The following TCHP variants were observed in gnomAD, a reference collection of about 807,000 sequenced individuals.
TCHP encodes trichoplein keratin filament-binding protein.
A neutral mutation model predicts 88.7 loss-of-function variants in TCHP; 81 were observed. The observed-to-expected ratio is 0.91, with a 90% CI of 0.76 to 1.10. The LOEUF is 1.10. Among genes scored for constraint, TCHP ranks in the 50% least tolerant of loss-of-function variants. TCHP has a pLI of 0.00. For missense variants in TCHP, 641 were observed against 632.1 expected, an observed-to-expected ratio of 1.01 and a Z score of -0.15; for synonymous variants, 232 against 232.5, an observed-to-expected ratio of 1.00 and a Z score of 0.02.
intron 9 of TCHP, among the ~76,000 whole-genome samples, chr12:109,912,019 C>T (rs1015610294): frequency 7.2e-5 from 11 of 152,140 alleles, no homozygotes; most frequent in African/African-American, 2.7e-4. Context: ...TGGTCTTGAA[C>T]TCCTGACCTT....
At position 109,917,921 on chromosome 12, in the gene TCHP, C is replaced by G. The variant is rs142517442; in HGVS notation, c.*1298C>G. On this transcript the variant is annotated 3_prime_UTR_variant, in exon 13 of 13. Transcript: ENST00000405876. ...CACTGTCCTGTAGAAACAGATCAAG[C>G]TGCAAACCACGTCCTTCATCTGTTG... 3 of 152,396 alleles carry G rather than the reference C, an allele frequency of 2.0e-5. No homozygotes were observed. In the East Asian group the frequency reaches 5.8e-4, roughly 29 times the overall value. 9.4% of individuals were successfully genotyped at this position (152,396 alleles called of 1,614,324 possible). A position where few individuals can be genotyped will look rare whatever the true frequency, so the allele number is the denominator to read the frequency against.
chr12:109,908,304 G>T (rs761273881), intron 6 of TCHP, among the ~76,000 whole-genome samples: 1 of 152,218 alleles, frequency 6.6e-6, no homozygotes, highest in South Asian at 2.1e-4. Context: ...TGACCTCCTG[G>T]TGGGGGCTGT....
At chr12:109,906,780 T>A (rs1870155812) in intron 5 of TCHP, 140 bp downstream of exon 5, 1 of 674,550 alleles carries the variant, frequency 1.5e-6, no homozygotes, top group Non-Finnish European at 2.5e-6. Flanking sequence ...ACTTGACACA[T>A]GTGAAAACTG....
At chr12:109,896,664 G>A (rs990792769), upstream of TCHP, among the ~76,000 whole-genome samples, 3 of 152,090 alleles carry the variant, frequency 2.0e-5, no homozygotes, top group African/African-American at 7.2e-5. Flanking sequence ...GTTCATGCCT[G>A]TAATCCCAGC....
the TCHP span, among the ~76,000 whole-genome samples, chr12:109,888,860 T>C: frequency 1.4e-4 from 22 of 152,164 alleles, no homozygotes; most frequent in African/African-American, 5.1e-4. Flanking sequence ...AAAATTAGTA[T>C]CACTAGGGCA....
intron 6 of TCHP, among the ~76,000 whole-genome samples, chr12:109,908,042 G>A (rs113894956): frequency 0.018 from 2,800 of 152,290 alleles, 84 homozygotes; most frequent in African/African-American, 0.064. Flanking sequence ...CCAGCTCTCC[G>A]TGGGGAGCAG....
chr12:109,893,016 A>G, the TCHP span, among the ~76,000 whole-genome samples: 2 of 152,012 alleles, frequency 1.3e-5, no homozygotes, highest in Admixed American at 6.6e-5. Context: ...CTGAGCCCCC[A>G]TTTCCTCCTC....
chr12:109,898,256 C>T (rs1380137188), upstream of TCHP, among the ~76,000 whole-genome samples: 7 of 152,210 alleles, frequency 4.6e-5, no homozygotes. Context: ...GTTGCCCAGG[C>T]TAGAGTGCAG....
intron 3 of TCHP, among the ~76,000 whole-genome samples, chr12:109,904,490 C>A (rs978330333): frequency 6.6e-6 from 1 of 152,110 alleles, no homozygotes; most frequent in African/African-American, 2.4e-5. Flanking sequence ...ATTTTGAGAC[C>A]CCCTAGATAG....
In TCHP at chr12:109,903,336, T is replaced by C. The variant is rs1348807054; in HGVS notation, c.188+122T>C. The C allele has an allele frequency of 4.6e-6, 4 of 864,978 alleles. No homozygotes were observed. The highest frequency in any genetic ancestry group is 6.9e-6 in the Non-Finnish European group (4 of 579,466). 53.6% of individuals were successfully genotyped at this position (864,978 alleles called of 1,614,324 possible). On this transcript the variant is annotated intron_variant, in intron 2 of 12. Transcript: ENST00000405876. The surrounding 1 kb of genome is among the most constrained non-coding windows in gnomAD (Gnocchi z 4.6). ...GCAGTATGAATTACCTGCATGGTGA[T>C]GTTTTTCCAGCTGGAAATGGAAAAA...
At chr12:109,883,583 G>A in the TCHP span, among the ~76,000 whole-genome samples, 3 of 152,050 alleles carry the variant, frequency 2.0e-5, no homozygotes, top group South Asian at 6.2e-4. Flanking sequence ...TCTCCTTGAA[G>A]CCTCACTGCC....
In TCHP at chr12:109,917,760, T is replaced by C. The variant is rs56304404; in HGVS notation, c.*1137T>C. The C allele has an allele frequency of 6.6e-6, 1 of 152,660 alleles. No homozygotes were observed. The highest frequency in any genetic ancestry group is 2.4e-5 in the African/African-American group (1 of 41,454). The allele number at this position is 152,660 out of a possible 1,614,324, so 9.5% of individuals were successfully genotyped here. A position where few individuals can be genotyped will look rare whatever the true frequency, so the allele number is the denominator to read the frequency against. On this transcript the variant is annotated 3_prime_UTR_variant, in exon 13 of 13. Coordinates refer to ENST00000405876, the MANE Select transcript of TCHP (RefSeq NM_001143852.2). ...TTTACTATACCCTTCCTCTGAGGTTTAGTTTTCATCACATTATGTTCAAGA... is the reference window on the plus strand; with the variant it reads ...TTTACTATACCCTTCCTCTGAGGTTCAGTTTTCATCACATTATGTTCAAGA...
chr12:109,894,100 G>A, the TCHP span, among the ~76,000 whole-genome samples: 4 of 151,848 alleles, frequency 2.6e-5, no homozygotes, highest in Non-Finnish European at 4.4e-5. Context: ...CAGGAGAATC[G>A]CTTGAACCCA....
intron 3 of TCHP, 30 bp from the exon 4 acceptor site, chr12:109,904,707 C>T (rs372012387): frequency 2.4e-5 from 38 of 1,602,696 alleles, no homozygotes; most frequent in Non-Finnish European, 3.2e-5. Flanking sequence ...AAAATGACAT[C>T]AGGCTTTCCA....
In TCHP at chr12:109,915,678, TC is replaced by T; in HGVS notation, c.1464+133del. On this transcript the variant is annotated intron_variant, in intron 12 of 12. Coordinates refer to ENST00000405876, the MANE Select transcript of TCHP (RefSeq NM_001143852.2). ...CGTCCGGGTTATTCCTTGTTTCTCT[TC>T]TCTTGTATTTCTCTCTTCCCTGACC... 3 of 1,117,998 alleles carry T rather than the reference TC, an allele frequency of 2.7e-6. 1 individual carries two copies. Among genetic ancestry groups the T allele is most frequent in the Middle Eastern group, 3.0e-4 (1 of 3,322 alleles). 69.3% of individuals were successfully genotyped at this position (1,117,998 alleles called of 1,614,324 possible). A position where few individuals can be genotyped will look rare whatever the true frequency, so the allele number is the denominator to read the frequency against.
chr12:109,913,396 T>A (rs1870619836), intron 10 of TCHP, among the ~76,000 whole-genome samples: 1 of 152,248 alleles, frequency 6.6e-6, no homozygotes, highest in Non-Finnish European at 1.5e-5. Flanking sequence ...TCAAGCGTTG[T>A]GACATGCTGT....
intron 5 of TCHP, 72 bp from the exon 6 acceptor site, chr12:109,907,454 C>G (rs761377694): frequency 4.0e-6 from 6 of 1,505,082 alleles, no homozygotes; most frequent in Non-Finnish European, 5.4e-6. Flanking sequence ...GCCTGCAGAA[C>G]GGCGGCAGGA....
the TCHP span, among the ~76,000 whole-genome samples, chr12:109,893,437 G>A: frequency 6.6e-6 from 1 of 151,926 alleles, no homozygotes. Flanking sequence ...TTGTCACCAA[G>A]GATTGCTCTT....
At chr12:109,881,966 T>C in the TCHP span, among the ~76,000 whole-genome samples, 8 of 136,160 alleles carry the variant, frequency 5.9e-5, no homozygotes, top group African/African-American at 2.2e-4. Context: ...GCACTGAGGA[T>C]AAAGTGAATG....
Sources: gnomAD v4.1 joint callset for allele counts (sites outside exome capture counted in the v4.1 genomes callset) on GRCh38, gnomAD v4.1.1 for gene constraint, Gnocchi (gnomAD v3.1) non-coding constraint, MANE v1.5 for transcripts, NCBI Gene and HGNC (gene_info 2026-07-23, HGNC 2026-07-21) for gene names.